Variants in SLC38A8 observed in about 807,000 individuals in gnomAD.
SLC38A8 encodes solute carrier family 38 member 8.
A neutral mutation model predicts 46.0 loss-of-function variants in SLC38A8; 65 were observed. That is an observed-to-expected ratio of 1.41 (90% CI 1.16 to 1.74). The LOEUF (loss-of-function observed/expected upper bound fraction) is 1.74. Ranked by LOEUF, SLC38A8 falls within the 40% of genes most tolerant of loss-of-function variation. The pLI is 0.00. For synonymous variants in SLC38A8, 447 were observed against 243.7 expected (o/e 1.83, Z -7.77); for missense variants, 998 against 567.9 (o/e 1.76, Z -7.70).
At chr16:84,011,045 G>C (rs1454103055) in intron 10 of SLC38A8, among the ~76,000 whole-genome samples, 1 of 152,148 alleles carries the variant, frequency 6.6e-6, no homozygotes, top group Non-Finnish European at 1.5e-5. Context: ...AGATATTTGT[G>C]GCCCCATTAA....
chr16:84,026,077 G>A (rs73247347), intron 6 of SLC38A8, among the ~76,000 whole-genome samples: 19,623 of 152,304 alleles, frequency 0.13, 3,456 homozygotes, highest in African/African-American at 0.4. Context: ...CAGATGCCCC[G>A]AGGTGGGGAG....
At chr16:84,036,055 C>G (rs9933841) in intron 3 of SLC38A8, among the ~76,000 whole-genome samples, 121,162 of 152,186 alleles carry the variant, frequency 0.8, 48,363 homozygotes, top group East Asian at 0.91. Flanking sequence ...GCCAGTCTCA[C>G]TGGATCTCAA....
intron 7 of SLC38A8, among the ~76,000 whole-genome samples, chr16:84,019,794 G>C (rs2085074282): frequency 6.6e-6 from 1 of 152,216 alleles, no homozygotes; most frequent in East Asian, 1.9e-4. Flanking sequence ...CATCCCAGAA[G>C]AGAGACTAAG....
intron 9 of SLC38A8, among the ~76,000 whole-genome samples, chr16:84,014,840 C>T (rs2085006114): frequency 6.6e-6 from 1 of 152,168 alleles, no homozygotes; most frequent in South Asian, 2.1e-4. Context: ...CTTTGATAAC[C>T]AACATTTCTC....
At chr16:84,032,532 A>G (rs963589555) in intron 4 of SLC38A8, among the ~76,000 whole-genome samples, 4 of 152,154 alleles carry the variant, frequency 2.6e-5, no homozygotes, top group Non-Finnish European at 5.9e-5. Context: ...TGGCAGCTGT[A>G]ATAGTGTTTC....
intron 1 of SLC38A8, 62 bp from the exon 2 acceptor site, chr16:84,042,221 G>T (rs1011337328): frequency 4.6e-6 from 7 of 1,517,882 alleles, no homozygotes; most frequent in Non-Finnish European, 6.2e-6. Context: ...CTAAGTTCTC[G>T]ATATCCTTAT....
chr16:84,034,276 T>C (rs767435942), intron 3 of SLC38A8, among the ~76,000 whole-genome samples: 12 of 152,218 alleles, frequency 7.9e-5, no homozygotes, highest in Non-Finnish European at 1.3e-4. Context: ...TTGCCACACA[T>C]TGCTGGACAA....
chr16:84,025,227 C>A lies in SLC38A8; in HGVS notation c.691-2338G>T, dbSNP rs374086186. ...CTCCTGGGGCTGGTTCCCACCATCA[C>A]ACCCACTCTCTCACTCCTGGCCAAA... On this transcript the variant is annotated intron_variant, in intron 6 of 10. Coordinates refer to ENST00000299709, the MANE Select transcript of SLC38A8 (RefSeq NM_001080442.3). 6.2e-4 allele frequency among the ~76,000 whole-genome samples: 94 copies of A among 152,310 alleles called. 1 individual carries two copies. In the South Asian group the frequency reaches 0.017, roughly 28 times the overall value.
At chr16:84,023,715 A>T (rs998800125) in intron 6 of SLC38A8, among the ~76,000 whole-genome samples, 1 of 152,120 alleles carries the variant, frequency 6.6e-6, no homozygotes, top group Admixed American at 6.5e-5. Context: ...CCAACATGGC[A>T]AAATTCCATC....
chr16:84,030,112 C>T (rs578229775), intron 5 of SLC38A8, among the ~76,000 whole-genome samples: 1 of 152,206 alleles, frequency 6.6e-6, no homozygotes, highest in South Asian at 2.1e-4. Context: ...TGCCTGCTGC[C>T]CTTATTGGAA....
At chr16:84,013,230 C>T (rs1212964098) in intron 9 of SLC38A8, among the ~76,000 whole-genome samples, 178 bp from the exon 10 acceptor site, 1 of 152,078 alleles carries the variant, frequency 6.6e-6, no homozygotes, top group Non-Finnish European at 1.5e-5. Context: ...GGCTGGAGTC[C>T]CAGCTCAACA....
intron 7 of SLC38A8, among the ~76,000 whole-genome samples, chr16:84,018,259 GTCTC>G (rs928595449): frequency 2.5e-5 from 3 of 118,742 alleles, no homozygotes; most frequent in Non-Finnish European, 4.8e-5. Flanking sequence ...TTGAGACAGA[GTCTC>G]TCTCTGTCGC....
intron 7 of SLC38A8, among the ~76,000 whole-genome samples, chr16:84,019,158 T>A (rs545127574): frequency 1.3e-5 from 2 of 151,956 alleles, no homozygotes; most frequent in African/African-American, 4.8e-5. Flanking sequence ...CACTGCAACC[T>A]GTGCCTTCCA....
chr16:84,028,690 C>T (rs116339975), intron 6 of SLC38A8, among the ~76,000 whole-genome samples: 4,307 of 149,692 alleles, frequency 0.029, 236 homozygotes, highest in African/African-American at 0.1. Flanking sequence ...CCTCCCCTGC[C>T]CCCCCTGCCC....
In SLC38A8 at chr16:84,035,827, G is replaced by A. The variant is rs1008780155; in HGVS notation, c.388+875C>T. 2.6e-5 allele frequency among the ~76,000 whole-genome samples: 4 copies of A among 152,328 alleles called. No individual in the cohort carries two copies. The South Asian group carries it at 8.3e-4, about 32-fold the overall frequency. ...TGACAGAATAGGCTAATCTGCAATCGCAGCTGGCGATTTTAACATCCTTTA... is the reference window on the plus strand; with the variant it reads ...TGACAGAATAGGCTAATCTGCAATCACAGCTGGCGATTTTAACATCCTTTA... On this transcript the variant is annotated intron_variant, in intron 3 of 10. Transcript: ENST00000299709.
chr16:84,015,450 T>G (rs1315362946), intron 9 of SLC38A8, among the ~76,000 whole-genome samples: 1 of 152,064 alleles, frequency 6.6e-6, no homozygotes, highest in Non-Finnish European at 1.5e-5. Flanking sequence ...TTGAGCCACG[T>G]GACTTTCACA....
chr16:84,023,380 C>A (rs937237839), intron 6 of SLC38A8, among the ~76,000 whole-genome samples: 1 of 150,746 alleles, frequency 6.6e-6, no homozygotes, highest in African/African-American at 2.4e-5. Flanking sequence ...AGAAAAAGCA[C>A]CCCTCTGCAC....
chr16:84,032,019 G>C, intron 4 of SLC38A8, 51 bp from the exon 5 acceptor site: 1 of 1,468,934 alleles, frequency 6.8e-7, no homozygotes, highest in Non-Finnish European at 9.5e-7. Flanking sequence ...ATGTGCGGTT[G>C]ATGCACGGGG....
At chr16:84,038,828 G>C (rs11639994) in intron 2 of SLC38A8, among the ~76,000 whole-genome samples, 35,685 of 152,052 alleles carry the variant, frequency 0.23, 4,546 homozygotes, top group East Asian at 0.37. Context: ...ATCCGTATCG[G>C]GCGCACAGGC....
Sources: gnomAD v4.1 joint callset for allele counts (sites outside exome capture counted in the v4.1 genomes callset) on GRCh38, gnomAD v4.1.1 for gene constraint, MANE v1.5 for transcripts, NCBI Gene and HGNC (gene_info 2026-07-23, HGNC 2026-07-21) for gene names.